SOX5: variants seen among roughly 807,000 people sequenced by gnomAD.
SOX5 encodes SRY-box transcription factor 5.
In SOX5, 9 loss-of-function variants were observed where a neutral mutation model predicts 92.0. The observed-to-expected ratio is 0.10, with a 90% CI of 0.06 to 0.17. The LOEUF (loss-of-function observed/expected upper bound fraction) is 0.17, where lower values mean the gene tolerates loss of function less well. Among genes scored for constraint, SOX5 ranks in the 10% least tolerant of loss-of-function variants. SOX5 has a pLI of 1.00. For synonymous variants in SOX5, 344 were observed against 336.3 expected, an observed-to-expected ratio of 1.02 and a Z score of -0.25; for missense variants, 642 against 944.5, an observed-to-expected ratio of 0.68 and a Z score of 4.20.
intron 8 of SOX5, among the ~76,000 whole-genome samples, chr12:23,627,944 C>T (rs2078048295): frequency 1.3e-5 from 2 of 151,630 alleles, no homozygotes; most frequent in African/African-American, 4.8e-5. Context: ...TGTACAAAAA[C>T]TTGATATTTT....
chr12:24,007,174 T>C (rs79480395), intron 4 of SOX5, among the ~76,000 whole-genome samples: 16,371 of 40,642 alleles, frequency 0.4, 4,644 homozygotes, highest in South Asian at 0.57. Context: ...TTTATATATG[T>C]ATTTATATAT....
intron 8 of SOX5, among the ~76,000 whole-genome samples, chr12:23,614,736 T>A (rs2137864045): frequency 6.6e-6 from 1 of 152,342 alleles, no homozygotes; most frequent in Non-Finnish European, 1.5e-5. Context: ...ATTGTCAGAC[T>A]TTTCTGAAGT....
intron 1 of SOX5, among the ~76,000 whole-genome samples, chr12:24,554,666 G>A (rs546709274): frequency 2.0e-5 from 3 of 152,100 alleles, no homozygotes; most frequent in Non-Finnish European, 4.4e-5. Context: ...GAATCCTACT[G>A]AAACTCACAG....
chr12:23,810,943 A>G (rs931444860), intron 3 of SOX5, among the ~76,000 whole-genome samples: 1 of 152,148 alleles, frequency 6.6e-6, no homozygotes, highest in Non-Finnish European at 1.5e-5. Context: ...TAGTTCCAAA[A>G]TATGTCATAC....
At chr12:24,126,875 A>G (rs540450633) in intron 4 of SOX5, among the ~76,000 whole-genome samples, 5 of 152,154 alleles carry the variant, frequency 3.3e-5, no homozygotes, top group Admixed American at 2.6e-4. Context: ...GTCTCCCTAT[A>G]TGGAACTCCT....
At chr12:23,838,836 T>TTA (rs1160614140) in intron 3 of SOX5, among the ~76,000 whole-genome samples, 80 of 60,982 alleles carry the variant, frequency 1.3e-3, no homozygotes, top group African/African-American at 4.2e-3. Flanking sequence ...CAGTAGTTCT[T>TTA]TTTTTTTGGG....
At chr12:24,191,841 A>G (rs1956558128) in intron 4 of SOX5, among the ~76,000 whole-genome samples, 1 of 152,196 alleles carries the variant, frequency 6.6e-6, no homozygotes, top group Non-Finnish European at 1.5e-5. Flanking sequence ...ACTATCCAGT[A>G]TTGGGAAGAG....
chr12:23,956,963 CG>C (rs1276101519), intron 4 of SOX5, among the ~76,000 whole-genome samples: 5 of 149,078 alleles, frequency 3.4e-5, no homozygotes, highest in African/African-American at 1.3e-4. Flanking sequence ...CCACCATGCC[CG>C]GCCATTGCCT....
At chr12:24,367,708 C>A (rs1222935348) in intron 2 of SOX5, among the ~76,000 whole-genome samples, 4 of 152,084 alleles carry the variant, frequency 2.6e-5, no homozygotes, top group Non-Finnish European at 5.9e-5. Context: ...TTAAAATGAT[C>A]AGAACCGCAT....
intron 13 of SOX5, among the ~76,000 whole-genome samples, chr12:23,540,947 TTG>T (rs1294186125): frequency 6.6e-6 from 1 of 152,220 alleles, no homozygotes; most frequent in Non-Finnish European, 1.5e-5. Context: ...TAGAATGATC[TTG>T]TGGATATTTG....
intron 9 of SOX5, chr12:23,582,246 C>T (rs745710448): frequency 1.0e-6 from 1 of 984,800 alleles, no homozygotes; most frequent in African/African-American, 1.7e-5. Flanking sequence ...ACCTCTCCTA[C>T]CCAAATAAGG....
intron 6 of SOX5, among the ~76,000 whole-genome samples, chr12:23,677,324 G>C (rs183090953): frequency 6.6e-6 from 1 of 152,080 alleles, no homozygotes; most frequent in Non-Finnish European, 1.5e-5. Flanking sequence ...CTGCATTTAC[G>C]TGTTCTTTAA....
intron 3 of SOX5, among the ~76,000 whole-genome samples, chr12:23,791,808 C>T (rs985236483): frequency 6.6e-6 from 1 of 151,884 alleles, no homozygotes; most frequent in Non-Finnish European, 1.5e-5. Flanking sequence ...AATACTGAAA[C>T]TCCCAAGGTT....
At chr12:24,533,595 C>T (rs959779738) in intron 1 of SOX5, among the ~76,000 whole-genome samples, 2 of 152,006 alleles carry the variant, frequency 1.3e-5, no homozygotes, top group Admixed American at 6.6e-5. Flanking sequence ...AAACAAATAA[C>T]TAGATAATCA....
chr12:23,761,356 T>G (rs2094557746), intron 3 of SOX5, among the ~76,000 whole-genome samples: 1 of 152,076 alleles, frequency 6.6e-6, no homozygotes, highest in African/African-American at 2.4e-5. Flanking sequence ...CTAAACAAAT[T>G]TATATTTCCT....
chr12:23,919,772 ACTACATGGTTT>A (rs1249815880), intron 1 of SOX5, among the ~76,000 whole-genome samples: 1 of 152,202 alleles, frequency 6.6e-6, no homozygotes, highest in East Asian at 1.9e-4. Flanking sequence ...GCTTTTAGCC[ACTACATGGTTT>A]CTACTGGAGA....
intron 4 of SOX5, among the ~76,000 whole-genome samples, chr12:24,110,856 G>A (rs538580058): frequency 8.7e-5 from 12 of 138,296 alleles, no homozygotes; most frequent in African/African-American, 2.7e-4. Flanking sequence ...AGTTGAGATC[G>A]TGCCACTGTA....
intron 2 of SOX5, among the ~76,000 whole-genome samples, chr12:23,862,579 T>C (rs2096767652): frequency 6.6e-6 from 1 of 152,230 alleles, no homozygotes; most frequent in Admixed American, 6.5e-5. Context: ...ATGACTGTTC[T>C]GTCTCTGACA....
At chr12:23,578,941 A>ACAAAGCAAAG (rs3030240) in intron 9 of SOX5, among the ~76,000 whole-genome samples, 1 of 151,440 alleles carries the variant, frequency 6.6e-6, no homozygotes, top group African/African-American at 2.4e-5. Context: ...AAGAAACAAA[A>ACAAAGCAAAG]CAAAGCAAAG....
Sources: gnomAD v4.1 joint callset for allele counts (sites outside exome capture counted in the v4.1 genomes callset) on GRCh38, gnomAD v4.1.1 for gene constraint, MANE v1.5 for transcripts, NCBI Gene and HGNC (gene_info 2026-07-23, HGNC 2026-07-21) for gene names.